Variants in TPRG1 observed in about 807,000 individuals in gnomAD.
The protein encoded by TPRG1 is tumor protein p63 regulated 1.
Under a neutral mutation model 29.3 loss-of-function variants are expected in TPRG1, and 29 were observed. That is an observed-to-expected ratio of 0.99 (90% CI 0.74 to 1.35). TPRG1 has a LOEUF of 1.35. TPRG1 is among the 40% of genes most tolerant of loss of function. The probability of loss-of-function intolerance (pLI) is 0.00; values close to 1 mark genes in which losing one functional copy is unlikely to be tolerated. For missense variants in TPRG1, 327 were observed against 335.0 expected, an observed-to-expected ratio of 0.98 and a Z score of 0.19; for synonymous variants, 130 against 116.8, an observed-to-expected ratio of 1.11 and a Z score of -0.73.
At chr3:189,141,315 G>C (rs1393522888) in intron 3 of TPRG1, among the ~76,000 whole-genome samples, 1 of 152,108 alleles carries the variant, frequency 6.6e-6, no homozygotes, top group Non-Finnish European at 1.5e-5. Context: ...AACATTTAAA[G>C]GGCACTTTGG....
At chr3:189,308,619 A>G (rs1372936945) in intron 4 of TPRG1, among the ~76,000 whole-genome samples, 1 of 152,184 alleles carries the variant, frequency 6.6e-6, no homozygotes, top group African/African-American at 2.4e-5. Flanking sequence ...TTATAGTCAC[A>G]TTGACTGGTT....
intron 4 of TPRG1, among the ~76,000 whole-genome samples, chr3:189,299,667 C>T (rs111637160): frequency 3.4e-4 from 50 of 148,418 alleles, no homozygotes; most frequent in Non-Finnish European, 6.7e-4. Context: ...TGGGTCTACT[C>T]ATGTCCAACC....
chr3:189,272,586 ACTT>A (rs72253752), intron 4 of TPRG1, among the ~76,000 whole-genome samples: 13,132 of 150,648 alleles, frequency 0.087, 692 homozygotes, highest in African/African-American at 0.16. Context: ...CCAACCACAG[ACTT>A]CTTCTGCCAA....
At chr3:189,137,485 G>T (rs758612013) in intron 3 of TPRG1, among the ~76,000 whole-genome samples, 3 of 152,152 alleles carry the variant, frequency 2.0e-5, no homozygotes, top group African/African-American at 4.8e-5. Context: ...GTGTCCTTAA[G>T]TTGTACAGAG....
chr3:189,195,472 G>A (rs940644716), intron 1 of TPRG1, among the ~76,000 whole-genome samples: 3 of 152,120 alleles, frequency 2.0e-5, no homozygotes, highest in African/African-American at 7.2e-5. Flanking sequence ...GCGGTGGTTT[G>A]GCAGTAGCTT....
intron 1 of TPRG1, among the ~76,000 whole-genome samples, chr3:189,192,256 G>A (rs571744430): frequency 6.6e-6 from 1 of 152,334 alleles, no homozygotes; most frequent in African/African-American, 2.4e-5. Context: ...CATAATACCT[G>A]AAGAGAGAGA....
chr3:189,175,715 A>C (rs1234108988), intron 1 of TPRG1, among the ~76,000 whole-genome samples: 1 of 152,248 alleles, frequency 6.6e-6, no homozygotes, highest in Non-Finnish European at 1.5e-5. Flanking sequence ...AGGTGGTGCT[A>C]TACAGTAGAA....
intron 5 of TPRG1, among the ~76,000 whole-genome samples, chr3:189,156,898 G>C (rs1560496945): frequency 6.6e-6 from 1 of 152,164 alleles, no homozygotes; most frequent in South Asian, 2.1e-4. Flanking sequence ...TCTGTCACTG[G>C]GGTCCTCAGG....
intron 4 of TPRG1, among the ~76,000 whole-genome samples, chr3:189,287,558 T>G (rs1007338407): frequency 6.6e-6 from 1 of 151,354 alleles, no homozygotes; most frequent in Non-Finnish European, 1.5e-5. Flanking sequence ...CCACCACACC[T>G]GGCTAATTTT....
intron 4 of TPRG1, among the ~76,000 whole-genome samples, chr3:189,054,908 G>A (rs75209056): frequency 0.019 from 2,858 of 152,282 alleles, 91 homozygotes; most frequent in African/African-American, 0.065. Context: ...GCATGTGCTG[G>A]TGGAAAGATG....
intron 2 of TPRG1, among the ~76,000 whole-genome samples, chr3:189,131,331 AT>A (rs2108533509): frequency 6.6e-6 from 1 of 152,242 alleles, no homozygotes; most frequent in African/African-American, 2.4e-5. Flanking sequence ...TTATATATAA[AT>A]ATTCATGTGT....
intron 4 of TPRG1, among the ~76,000 whole-genome samples, chr3:189,267,035 A>G (rs1714224297): frequency 1.3e-5 from 2 of 152,148 alleles, no homozygotes; most frequent in African/African-American, 4.8e-5. Context: ...ACAGTTATGT[A>G]TCACACAAAG....
intron 3 of TPRG1, among the ~76,000 whole-genome samples, chr3:189,221,304 G>T (rs1280861625): frequency 6.6e-6 from 1 of 152,202 alleles, no homozygotes; most frequent in East Asian, 1.9e-4. Flanking sequence ...GAGAATCTAG[G>T]CTCAGAAGAG....
In TPRG1 at chr3:189,092,526, G is replaced by A. The variant is rs1448620746; in HGVS notation, c.-462-34531G>A. 2.7e-5 allele frequency among the ~76,000 whole-genome samples: 4 copies of A among 148,458 alleles called. No homozygotes were observed. In the East Asian group the frequency reaches 5.9e-4, roughly 22 times the overall value. ...GTATTTCTTAGGTCTGTGGCTTCTC[G>A]CTTCCGGTATTGATTTTCCTCAATT... On this transcript the variant is annotated intron_variant, in intron 4 of 10. Transcript: ENST00000433971.
chr3:189,046,904 A>C (rs776243806), intron 4 of TPRG1, among the ~76,000 whole-genome samples: 32 of 152,160 alleles, frequency 2.1e-4, no homozygotes, highest in Admixed American at 7.2e-4. Context: ...CAACAACAAC[A>C]ACCACCACCA....
At chr3:189,084,808 A>G (rs890429215) in intron 4 of TPRG1, among the ~76,000 whole-genome samples, 22 of 152,150 alleles carry the variant, frequency 1.4e-4, no homozygotes, top group Non-Finnish European at 2.9e-4. Context: ...GAAACTTCCT[A>G]AGTCCACACA....
At chr3:189,251,058 C>A (rs916323181) in intron 4 of TPRG1, among the ~76,000 whole-genome samples, 15 of 151,890 alleles carry the variant, frequency 9.9e-5, no homozygotes, top group Middle Eastern at 3.2e-3. Context: ...TGCCTCTCTT[C>A]CCCTCTTCTC....
At chr3:189,195,219 C>T (rs1057441537) in intron 1 of TPRG1, among the ~76,000 whole-genome samples, 13 of 152,112 alleles carry the variant, frequency 8.5e-5, no homozygotes, top group African/African-American at 2.7e-4. Context: ...GGTGCATGAC[C>T]ACTCTTGGTG....
At chr3:189,080,021 G>C (rs1392182935) in intron 4 of TPRG1, among the ~76,000 whole-genome samples, 2 of 152,140 alleles carry the variant, frequency 1.3e-5, no homozygotes, top group Non-Finnish European at 2.9e-5. Flanking sequence ...TAGCTAAATA[G>C]ATATCTGTTG....
Sources: allele counts gnomAD v4.1 joint callset (sites outside exome capture counted in the v4.1 genomes callset), GRCh38; gene constraint gnomAD v4.1.1; transcripts MANE v1.5; gene names NCBI Gene and HGNC (gene_info 2026-07-23, HGNC 2026-07-21).